ZNF215: variants seen among roughly 807,000 people sequenced by gnomAD.
ZNF215 encodes the protein BWSCR2-associated zinc finger protein 2.
ZNF215 carries 24 observed loss-of-function variants against 27.2 expected under a neutral mutation model. The observed-to-expected ratio is 0.88, with a 90% CI of 0.64 to 1.24. The LOEUF is 1.24. ZNF215 is among the 50% of genes most tolerant of loss of function. ZNF215 has a pLI of 0.00. For missense variants in ZNF215, 675 were observed against 605.7 expected (o/e 1.11, Z -1.20); for synonymous variants, 210 against 204.0 (o/e 1.03, Z -0.25).
At chr11:6,983,339 A>G (rs533969160) in intron 5 of ZNF215, among the ~76,000 whole-genome samples, 145 of 152,186 alleles carry the variant, frequency 9.5e-4, no homozygotes, top group South Asian at 2.5e-3. Context: ...ACAAGGAGGA[A>G]CTGGTACCAT....
At chr11:6,986,047 A>T (rs989020296), downstream of ZNF215, among the ~76,000 whole-genome samples, 1 of 152,164 alleles carries the variant, frequency 6.6e-6, no homozygotes, top group Non-Finnish European at 1.5e-5. Flanking sequence ...AATGGAACCA[A>T]AAAAGATCTC....
chr11:6,946,120 A>T (rs1433109101), intron 6 of ZNF215, among the ~76,000 whole-genome samples: 2 of 152,016 alleles, frequency 1.3e-5, no homozygotes, highest in Admixed American at 6.6e-5. Flanking sequence ...TATCTCTTGA[A>T]TGTCTCCACT....
In ZNF215 at chr11:6,931,082, C is replaced by T. The variant is rs560964918; in HGVS notation, c.-179-1012C>T. Among the ~76,000 whole-genome samples, 44 of 152,258 alleles carry T rather than the reference C, an allele frequency of 2.9e-4. 1 individual carries two copies. The highest frequency in any genetic ancestry group is 9.9e-4 in the African/African-American group (41 of 41,546). ...TGTTTCTAAACATTGCCAGATTTCC[C>T]CTGTTGGTAAAATATCCTGACTGAG... On this transcript the variant is annotated intron_variant, in intron 2 of 6. Transcript: ENST00000278319.
chr11:6,948,964 G>C (rs990585510), intron 6 of ZNF215, among the ~76,000 whole-genome samples: 2 of 139,980 alleles, frequency 1.4e-5, no homozygotes, highest in African/African-American at 5.4e-5. Flanking sequence ...TGTTCTCATT[G>C]TTCAATTCCC....
At chr11:6,968,394 A>G (rs995804546) in intron 5 of ZNF215, among the ~76,000 whole-genome samples, 2 of 152,070 alleles carry the variant, frequency 1.3e-5, no homozygotes, top group Non-Finnish European at 2.9e-5. Flanking sequence ...CATTTTCACA[A>G]TATTGGTTCT....
chr11:6,945,421 C>A (rs758550263), intron 6 of ZNF215, among the ~76,000 whole-genome samples: 8 of 152,160 alleles, frequency 5.3e-5, no homozygotes, highest in Non-Finnish European at 1.0e-4. Flanking sequence ...TTCTTTGTAG[C>A]CAAACTTCTC....
At chr11:6,959,130 G>A (rs73403254), downstream of ZNF215, among the ~76,000 whole-genome samples, 946 of 152,184 alleles carry the variant, frequency 6.2e-3, 4 homozygotes, top group African/African-American at 0.018. Context: ...ATCAAAGGTC[G>A]ATATCTAAGC....
chr11:6,954,171 C>T (rs1850215089), intron 6 of ZNF215, among the ~76,000 whole-genome samples: 1 of 147,896 alleles, frequency 6.8e-6, no homozygotes, highest in African/African-American at 2.5e-5. Context: ...AGTTAGGCTG[C>T]TCGGGGGTCA....
At position 6,969,158 on chromosome 11, in the gene ZNF215, C is replaced by T. The variant is rs537021531; in HGVS notation, c.805+13376C>T. ...CCAAAATGTGAATTTATTCCATGTC[C>T]TTATGCTTTTAAGAAAGAAAGAAAG... On this transcript the variant is annotated intron_variant, in intron 5 of 5. Coordinates refer to the ZNF215 transcript ENST00000529903. Among the ~76,000 whole-genome samples the T allele has an allele frequency of 8.3e-4, 127 of 152,128 alleles. 1 individual carries two copies. Among genetic ancestry groups the T allele is most frequent in the African/African-American group, 3.0e-3 (123 of 41,494 alleles).
intron 6 of ZNF215, among the ~76,000 whole-genome samples, chr11:6,948,500 A>C (rs902361712): frequency 6.6e-6 from 1 of 152,202 alleles, no homozygotes; most frequent in African/African-American, 2.4e-5. Flanking sequence ...TAAATATTAG[A>C]AAAGCAAAGA....
chr11:6,989,388 A>G (rs1408882026), downstream of ZNF215, among the ~76,000 whole-genome samples: 2 of 152,154 alleles, frequency 1.3e-5, no homozygotes, highest in East Asian at 1.9e-4. Flanking sequence ...TCTGGAGAAG[A>G]TAACTAGTCA....
At chr11:6,989,146 G>A (rs372380660), downstream of ZNF215, among the ~76,000 whole-genome samples, 1,413 of 76,138 alleles carry the variant, frequency 0.019, 26 homozygotes, top group African/African-American at 0.083. Flanking sequence ...ACAGAGATCC[G>A]TCTCAAAAAA....
intron 3 of ZNF215, among the ~76,000 whole-genome samples, chr11:6,937,510 T>TG (rs1849480516): frequency 1.7e-5 from 1 of 57,920 alleles, no homozygotes; most frequent in African/African-American, 7.2e-5. Context: ...TTTTTTTTTT[T>TG]GTCAGAAATG....
chr11:6,951,369 CTT>C (rs1291139545), intron 6 of ZNF215, among the ~76,000 whole-genome samples: 3 of 152,122 alleles, frequency 2.0e-5, no homozygotes, highest in South Asian at 2.1e-4. Context: ...GTCCTGGACT[CTT>C]TTTGGTTGGT....
At chr11:6,977,225 C>T (rs1030082675) in intron 5 of ZNF215, among the ~76,000 whole-genome samples, 1 of 151,958 alleles carries the variant, frequency 6.6e-6, no homozygotes, top group Non-Finnish European at 1.5e-5. Context: ...TTCCAGAAAT[C>T]ATAAGTTTTA....
intron 5 of ZNF215, chr11:6,984,112 A>ATTTTT: frequency 1.2e-4 from 44 of 362,466 alleles, no homozygotes; most frequent in South Asian, 2.8e-4. Flanking sequence ...TGTCCCTTAA[A>ATTTTT]TTTTTTTTTT....
At chr11:6,988,107 T>C (rs1851079539), downstream of ZNF215, 1 of 793,868 alleles carries the variant, frequency 1.3e-6, no homozygotes, top group Admixed American at 6.2e-5. Flanking sequence ...AAATGTTAAG[T>C]AAAAATTTGG....
chr11:6,979,433 A>G (rs906489597), intron 5 of ZNF215, among the ~76,000 whole-genome samples: 2 of 152,070 alleles, frequency 1.3e-5, no homozygotes, highest in African/African-American at 2.4e-5. Flanking sequence ...AAGTTTCTCT[A>G]TATGGACACT....
chr11:6,970,219 A>G (rs1199184364), intron 5 of ZNF215, among the ~76,000 whole-genome samples: 3 of 152,252 alleles, frequency 2.0e-5, no homozygotes, highest in Admixed American at 6.5e-5. Flanking sequence ...TGCTGATAAC[A>G]CTACAAAATG....
Sources: allele counts gnomAD v4.1 joint callset (sites outside exome capture counted in the v4.1 genomes callset), GRCh38; gene constraint gnomAD v4.1.1; transcripts MANE v1.5; gene names NCBI Gene and HGNC (gene_info 2026-07-23, HGNC 2026-07-21).